DNAJC8: variants seen among roughly 807,000 people sequenced by gnomAD.
DNAJC8 encodes the protein DnaJ heat shock protein family (Hsp40) member C8.
Under a neutral mutation model 43.2 loss-of-function variants are expected in DNAJC8, and 24 were observed. The observed-to-expected ratio is 0.56, with a 90% CI of 0.40 to 0.78. The LOEUF (loss-of-function observed/expected upper bound fraction) is 0.78. DNAJC8 is among the 30% of genes least tolerant of loss of function. The probability of loss-of-function intolerance (pLI) is 0.00; values close to 1 mark genes in which losing one functional copy is unlikely to be tolerated. For synonymous variants in DNAJC8, 83 were observed against 98.0 expected (o/e 0.85, Z 0.90); for missense variants, 207 against 299.4 (o/e 0.69, Z 2.28).
intron 8 of DNAJC8, 99 bp downstream of exon 8, chr1:28,203,648 C>G: frequency 8.5e-7 from 1 of 1,178,600 alleles, no homozygotes; most frequent in Non-Finnish European, 1.3e-6. Flanking sequence ...CCCCACATAT[C>G]CCACTCCCCT....
intron 3 of DNAJC8, among the ~76,000 whole-genome samples, chr1:28,212,168 A>AATAAATAAATAAATATATAT (rs35950985): frequency 3.2e-5 from 1 of 31,022 alleles, no homozygotes; most frequent in African/African-American, 9.0e-5. Context: ...TAAATAAATA[A>AATAAATAAATAAATATATAT]ATATATATAT....
intron 5 of DNAJC8, among the ~76,000 whole-genome samples, chr1:28,209,712 C>T (rs933093363): frequency 6.6e-6 from 1 of 152,148 alleles, no homozygotes; most frequent in South Asian, 2.1e-4. Flanking sequence ...GAGAGAACAA[C>T]CCTTTCTCCC....
intron 3 of DNAJC8, among the ~76,000 whole-genome samples, chr1:28,214,610 T>G (rs1031178286): frequency 6.6e-6 from 1 of 152,140 alleles, no homozygotes; most frequent in African/African-American, 2.4e-5. Flanking sequence ...TATGAATCAT[T>G]TGATATGTTC....
chr1:28,231,710 C>T (rs757167932), intron 1 of DNAJC8, among the ~76,000 whole-genome samples: 8 of 143,856 alleles, frequency 5.6e-5, no homozygotes, highest in Non-Finnish European at 1.0e-4. Flanking sequence ...GAGCAAAACT[C>T]CGCCTTAGGA....
At chr1:28,216,092 T>C (rs1179386816) in intron 2 of DNAJC8, among the ~76,000 whole-genome samples, 4 of 151,958 alleles carry the variant, frequency 2.6e-5, no homozygotes, top group Non-Finnish European at 5.9e-5. Context: ...CTCACGCCTG[T>C]AATCCCAGTA....
chr1:28,232,879 G>C, intron 1 of DNAJC8, 42 bp downstream of exon 1: 1 of 1,601,988 alleles, frequency 6.2e-7, no homozygotes, highest in Non-Finnish European at 8.5e-7. Flanking sequence ...GCAGATCCGG[G>C]AGCGGTCGCC....
At chr1:28,222,412 G>C (rs1313085565) in intron 2 of DNAJC8, among the ~76,000 whole-genome samples, 1 of 150,570 alleles carries the variant, frequency 6.6e-6, no homozygotes, top group African/African-American at 2.5e-5. Flanking sequence ...CTTGAATCCA[G>C]GTGGCGGAGG....
intron 2 of DNAJC8, among the ~76,000 whole-genome samples, chr1:28,222,234 C>T (rs938138213): frequency 6.6e-6 from 1 of 151,862 alleles, no homozygotes. Flanking sequence ...ACCTGTAATC[C>T]CAGCACTTTG....
In DNAJC8 at chr1:28,208,308, CA is replaced by C. The variant is rs754444040; in HGVS notation, c.471+33del. ...CCACCAATTCGTAGACACAATCACACAAGATACAGTGGCTTTTCCTATATTT... is the reference window on the plus strand; with the variant it reads ...CCACCAATTCGTAGACACAATCACACAGATACAGTGGCTTTTCCTATATTT... On this transcript the variant is annotated intron_variant, in intron 6 of 8. Transcript: ENST00000263697. The C allele has an allele frequency of 5.8e-6, 9 of 1,563,060 alleles. No individual in the cohort carries two copies. The South Asian group carries it at 8.3e-5, about 14-fold the overall frequency.
intron 2 of DNAJC8, among the ~76,000 whole-genome samples, chr1:28,217,573 G>A (rs1215763163): frequency 1.3e-5 from 2 of 152,066 alleles, no homozygotes; most frequent in African/African-American, 2.4e-5. Flanking sequence ...CACTCAATAG[G>A]AAGAGCGAAG....
intron 2 of DNAJC8, among the ~76,000 whole-genome samples, chr1:28,223,025 G>T (rs1399219103): frequency 6.6e-6 from 1 of 152,098 alleles, no homozygotes; most frequent in African/African-American, 2.4e-5. Flanking sequence ...CACAGGGGAA[G>T]GTAGCCTGGC....
intron 2 of DNAJC8, among the ~76,000 whole-genome samples, chr1:28,219,764 G>A (rs1406551663): frequency 2.7e-4 from 3 of 10,968 alleles, no homozygotes; most frequent in African/African-American, 1.4e-3. Context: ...TTCAACCTCC[G>A]CCTCCTGGTT....
intron 1 of DNAJC8, chr1:28,230,128 G>A (rs1646964015): frequency 6.6e-6 from 1 of 152,066 alleles, no homozygotes; most frequent in African/African-American, 2.4e-5. Flanking sequence ...AAAAATCCCT[G>A]ACCTGAAGAC....
chr1:28,224,160 C>G (rs1212293078), intron 2 of DNAJC8, among the ~76,000 whole-genome samples: 2 of 152,142 alleles, frequency 1.3e-5, no homozygotes, highest in African/African-American at 4.8e-5. Flanking sequence ...TCCATACTGG[C>G]AAATAAATGA....
In DNAJC8 at chr1:28,216,177, C is replaced by T. The variant is rs750436771; in HGVS notation, c.181-1181G>A. On this transcript the variant is annotated intron_variant, in intron 2 of 8. Coordinates refer to ENST00000263697, the MANE Select transcript of DNAJC8 (RefSeq NM_014280.3). ...GAGCCTGGCCAACATGGAGAAACCCCGTCTCTACTAAAAATACAATATTAG... is the reference window on the plus strand; with the variant it reads ...GAGCCTGGCCAACATGGAGAAACCCTGTCTCTACTAAAAATACAATATTAG... Among the ~76,000 whole-genome samples, 21 of 152,018 alleles carry T rather than the reference C, an allele frequency of 1.4e-4. 1 individual carries two copies. Among genetic ancestry groups the T allele is most frequent in the African/African-American group, 3.1e-4 (13 of 41,408 alleles).
chr1:28,219,820 G>A (rs561080675), intron 2 of DNAJC8, among the ~76,000 whole-genome samples: 52 of 152,228 alleles, frequency 3.4e-4, no homozygotes, highest in African/African-American at 1.1e-3. Context: ...GGGACTTCAG[G>A]TGTTTGCCAC....
Position 28,200,619 on chromosome 1 carries a change from A to T in DNAJC8, c.*629T>A, listed in dbSNP as rs1646726711. ...CACTAACAAATGCAGACAGGCTAGGACATGGTACTGGGTGGAGGACGGCTA... is the reference window on the plus strand; with the variant it reads ...CACTAACAAATGCAGACAGGCTAGGTCATGGTACTGGGTGGAGGACGGCTA... On this transcript the variant is annotated 3_prime_UTR_variant, in exon 9 of 9. Coordinates refer to ENST00000263697, the MANE Select transcript of DNAJC8 (RefSeq NM_014280.3). The T allele has an allele frequency of 2.2e-6, 1 of 456,186 alleles. No individual in the cohort carries two copies. The highest frequency in any genetic ancestry group is 4.4e-6 in the Non-Finnish European group (1 of 226,826). The allele number at this position is 456,186 out of a possible 1,614,324, so 28.3% of individuals were successfully genotyped here.
At chr1:28,223,251 T>G (rs1646911082) in intron 2 of DNAJC8, among the ~76,000 whole-genome samples, 2 of 151,996 alleles carry the variant, frequency 1.3e-5, no homozygotes, top group African/African-American at 2.4e-5. Flanking sequence ...TGGAAGAAGG[T>G]GGCTTGACGG....
intron 8 of DNAJC8, among the ~76,000 whole-genome samples, chr1:28,202,595 T>C (rs1468896619): frequency 3.6e-5 from 5 of 138,226 alleles, no homozygotes; most frequent in African/African-American, 1.4e-4. Context: ...TTTCTTTTTT[T>C]TTTTTTTTTT....
Sources: gnomAD v4.1 joint callset for allele counts (sites outside exome capture counted in the v4.1 genomes callset) on GRCh38, gnomAD v4.1.1 for gene constraint, MANE v1.5 for transcripts, NCBI Gene and HGNC (gene_info 2026-07-23, HGNC 2026-07-21) for gene names.